Variants in IFT74 observed in about 807,000 individuals in gnomAD.
The protein encoded by IFT74 is intraflagellar transport 74.
Under a neutral mutation model 96.7 loss-of-function variants are expected in IFT74, and 92 were observed. The observed-to-expected ratio is 0.95, with a 90% CI of 0.80 to 1.13. IFT74 has a LOEUF of 1.13. IFT74 is among the 50% of genes most tolerant of loss of function. The pLI, the probability that IFT74 is intolerant of heterozygous loss-of-function variation, is 0.00. For synonymous variants in IFT74, 223 were observed against 213.2 expected, an observed-to-expected ratio of 1.05 and a Z score of -0.40; for missense variants, 811 against 698.2, an observed-to-expected ratio of 1.16 and a Z score of -1.82.
intron 10 of IFT74, among the ~76,000 whole-genome samples, 182 bp downstream of exon 10, chr9:27,012,150 GT>G (rs1350378974): frequency 4.6e-5 from 7 of 152,138 alleles, no homozygotes; most frequent in Non-Finnish European, 1.0e-4. Context: ...ATTAGATTCA[GT>G]TATTGAGTAC....
chr9:27,053,053 C>T (rs1046006040), intron 16 of IFT74, among the ~76,000 whole-genome samples: 2 of 151,314 alleles, frequency 1.3e-5, no homozygotes, highest in Admixed American at 1.3e-4. Flanking sequence ...TTAGTAGAGA[C>T]GGGGTTTCAC....
intron 2 of IFT74, among the ~76,000 whole-genome samples, chr9:26,972,526 T>C (rs539699831): frequency 5.3e-5 from 8 of 152,316 alleles, no homozygotes; most frequent in African/African-American, 1.7e-4. Flanking sequence ...CTAGGGAAGA[T>C]AGGGCTAGAA....
intron 6 of IFT74, 47 bp downstream of exon 6, chr9:26,984,606 T>C (rs749734406): frequency 7.1e-7 from 1 of 1,414,614 alleles, no homozygotes; most frequent in Non-Finnish European, 9.9e-7. Flanking sequence ...TTTTCATTAG[T>C]TTTTACTACT....
In IFT74 at chr9:26,988,654, T is replaced by C. The variant is rs1008219993; in HGVS notation, c.466-15T>C. On this transcript the variant is annotated splice_polypyrimidine_tract_variant and intron_variant, in intron 6 of 19. Coordinates refer to ENST00000380062, the MANE Select transcript of IFT74 (RefSeq NM_025103.4). The stretch of plus-strand genomic sequence containing the variant: ...TAACAAAATGGTGTTTGTTTGTTTG[T>C]ATTTTTGTTTTTAGTTGGTAGATAA... 1.3e-6 allele frequency: 2 copies of C among 1,539,528 alleles called. No homozygotes were observed. Among genetic ancestry groups the C allele is most frequent in the South Asian group, 2.3e-5 (2 of 85,994 alleles).
chr9:26,973,309 A>G (rs899328812), intron 2 of IFT74, among the ~76,000 whole-genome samples: 1 of 152,130 alleles, frequency 6.6e-6, no homozygotes, highest in African/African-American at 2.4e-5. Flanking sequence ...GACAGGCAGG[A>G]TTGGGGTATT....
At chr9:27,003,742 G>A (rs1328245816) in intron 8 of IFT74, among the ~76,000 whole-genome samples, 2 of 152,058 alleles carry the variant, frequency 1.3e-5, no homozygotes, top group Non-Finnish European at 2.9e-5. Flanking sequence ...AAGCTACTCT[G>A]CCTCCTATAT....
intron 10 of IFT74, 52 bp from the exon 11 acceptor site, chr9:27,016,855 A>G: frequency 4.9e-6 from 7 of 1,418,824 alleles, no homozygotes; most frequent in African/African-American, 2.9e-5. Context: ...CTATTTTAGA[A>G]TAATTATTGA....
chr9:26,992,236 T>C (rs1362980936), intron 8 of IFT74, among the ~76,000 whole-genome samples: 1 of 152,256 alleles, frequency 6.6e-6, no homozygotes, highest in Non-Finnish European at 1.5e-5. Context: ...AAGAATGTCA[T>C]AGATTTTTAC....
At chr9:26,987,366 A>G (rs1827685704) in intron 6 of IFT74, among the ~76,000 whole-genome samples, 1 of 152,212 alleles carries the variant, frequency 6.6e-6, no homozygotes, top group Admixed American at 6.5e-5. Flanking sequence ...TGGGGATTGC[A>G]GGCATGAGCC....
rs190111717 is a variant in IFT74, at chr9:26,997,483, G to A, written c.587+7288G>A. Among the ~76,000 whole-genome samples the A allele has an allele frequency of 3.6e-4, 54 of 151,938 alleles. No homozygotes were observed. The East Asian group carries it at 7.7e-3, about 22-fold the overall frequency. On this transcript the variant is annotated intron_variant, in intron 8 of 19. Transcript: ENST00000380062. The stretch of plus-strand genomic sequence containing the variant: ...TGAGTACCTGGTACTACAGGCATGC[G>A]CCACCATACCCAGCTAATTTTTGTA...
chr9:27,001,723 C>A (rs1011543456), intron 8 of IFT74, among the ~76,000 whole-genome samples: 1 of 152,146 alleles, frequency 6.6e-6, no homozygotes, highest in East Asian at 1.9e-4. Flanking sequence ...TTATTAACCC[C>A]TTTTTAGATG....
intron 13 of IFT74, among the ~76,000 whole-genome samples, chr9:27,031,211 G>T (rs943291961): frequency 2.6e-5 from 4 of 152,166 alleles, no homozygotes; most frequent in East Asian, 3.9e-4. Context: ...GTGTGCGGTG[G>T]CTCACGCCTG....
chr9:27,024,274 G>A (rs534326444), intron 12 of IFT74, among the ~76,000 whole-genome samples: 18 of 152,136 alleles, frequency 1.2e-4, no homozygotes, highest in Non-Finnish European at 2.4e-4. Context: ...TCACTCTTCA[G>A]CTACCTCCAC....
intron 2 of IFT74, among the ~76,000 whole-genome samples, chr9:26,975,731 G>T (rs988960927): frequency 2.6e-5 from 4 of 152,160 alleles, no homozygotes; most frequent in South Asian, 2.1e-4. Flanking sequence ...AGGCTCTGAG[G>T]CTCAATCCCT....
chr9:26,955,696 GAAATAATGTGTA>G (rs931350155), upstream of IFT74: 18 of 152,008 alleles, frequency 1.2e-4, no homozygotes, highest in African/African-American at 4.4e-4. Context: ...AGGCAAGTTG[GAAATAATGTGTA>G]AAATAATGTT....
intron 3 of IFT74, 69 bp downstream of exon 3, chr9:26,978,332 T>C (rs1267760359): frequency 6.6e-7 from 1 of 1,505,796 alleles, no homozygotes; most frequent in African/African-American, 1.4e-5. Flanking sequence ...TGTGAACAAT[T>C]TAAAAAAGTA....
chr9:27,043,332 G>C (rs1038905571), intron 13 of IFT74, among the ~76,000 whole-genome samples: 1 of 152,202 alleles, frequency 6.6e-6, no homozygotes, highest in African/African-American at 2.4e-5. Flanking sequence ...AGGCAGAAAA[G>C]CTGTTTGCTA....
At chr9:27,027,757 ATGAATT>A (rs1461694339) in intron 12 of IFT74, among the ~76,000 whole-genome samples, 2 of 152,108 alleles carry the variant, frequency 1.3e-5, no homozygotes, top group Admixed American at 6.5e-5. Flanking sequence ...TATGAATTCT[ATGAATT>A]ATCTTTTCAT....
chr9:27,034,892 T>C (rs1363676820), intron 13 of IFT74, among the ~76,000 whole-genome samples: 1 of 152,256 alleles, frequency 6.6e-6, no homozygotes, highest in Non-Finnish European at 1.5e-5. Context: ...ATCCAGGCTG[T>C]GCTGTTTGAT....
Sources: allele counts gnomAD v4.1 joint callset (sites outside exome capture counted in the v4.1 genomes callset), GRCh38; gene constraint gnomAD v4.1.1; transcripts MANE v1.5; gene names NCBI Gene and HGNC (gene_info 2026-07-23, HGNC 2026-07-21).